The following MCHR2 variants were observed in gnomAD, a reference collection of about 807,000 sequenced individuals.
MCHR2 encodes the protein melanin-concentrating hormone receptor 2.
Under a neutral mutation model 24.8 loss-of-function variants are expected in MCHR2, and 15 were observed. That is an observed-to-expected ratio of 0.60 (90% CI 0.40 to 0.93). The LOEUF is 0.93. Ranked by LOEUF, MCHR2 falls within the 40% of genes least tolerant of loss-of-function variation. The probability of loss-of-function intolerance (pLI) is 0.00; values close to 1 mark genes in which losing one functional copy is unlikely to be tolerated. For synonymous variants in MCHR2, 151 were observed against 147.6 expected (o/e 1.02, Z -0.17); for missense variants, 386 against 408.7 (o/e 0.94, Z 0.48).
chr6:99,927,543 G>A (rs1774395756), intron 5 of MCHR2, among the ~76,000 whole-genome samples: 1 of 152,078 alleles, frequency 6.6e-6, no homozygotes, highest in Non-Finnish European at 1.5e-5. Context: ...CCTTGAAGAG[G>A]TCCTTCGCGT....
chr6:99,938,171 T>C (rs1028370023), intron 4 of MCHR2, among the ~76,000 whole-genome samples: 7 of 151,992 alleles, frequency 4.6e-5, no homozygotes, highest in Non-Finnish European at 1.5e-5. Context: ...GTTGATCGTC[T>C]GTAGTTTTTT....
chr6:99,925,680 C>G (rs550649684), intron 5 of MCHR2, among the ~76,000 whole-genome samples: 1 of 151,944 alleles, frequency 6.6e-6, no homozygotes, highest in South Asian at 2.1e-4. Context: ...AAAAGAAAAC[C>G]AGTAAAAACT....
At chr6:99,956,824 G>T (rs1431593937) in intron 1 of MCHR2, among the ~76,000 whole-genome samples, 4 of 152,052 alleles carry the variant, frequency 2.6e-5, no homozygotes, top group African/African-American at 9.7e-5. Flanking sequence ...AAAATTATTT[G>T]CTTGATCAAA....
intron 3 of MCHR2, among the ~76,000 whole-genome samples, chr6:99,945,545 T>A (rs546483020): frequency 5.3e-5 from 8 of 152,302 alleles, no homozygotes; most frequent in Admixed American, 2.0e-4. Context: ...ATGCATGATC[T>A]ATTAAACTGG....
chr6:99,986,279 T>TA (rs947014146), intron 1 of MCHR2, among the ~76,000 whole-genome samples: 1 of 151,988 alleles, frequency 6.6e-6, no homozygotes, highest in African/African-American at 2.4e-5. Context: ...CTCAAGGAAG[T>TA]AAAAAAAGAA....
intron 2 of MCHR2, among the ~76,000 whole-genome samples, chr6:99,953,797 A>G (rs558314006): frequency 3.5e-4 from 54 of 152,282 alleles, no homozygotes; most frequent in African/African-American, 1.3e-3. Context: ...AAAATTTAAA[A>G]TGCTTGATAT....
intron 5 of MCHR2, among the ~76,000 whole-genome samples, chr6:99,921,704 T>C (rs1380750394): frequency 6.6e-6 from 1 of 152,206 alleles, no homozygotes; most frequent in Non-Finnish European, 1.5e-5. Context: ...TATCAAATGC[T>C]AGGCCTTATT....
rs1326908361 is a variant in MCHR2 at position 99,958,122 on chromosome 6, T to C, written c.-27-1948A>G. On this transcript the variant is annotated intron_variant, in intron 1 of 5. Coordinates refer to ENST00000281806, the MANE Select transcript of MCHR2 (RefSeq NM_001040179.2). ...TACAGTAATCTACACAGTGTGATAT[T>C]TGAATAGGGATAGACAAATAGGTCA... 2.0e-5 allele frequency among the ~76,000 whole-genome samples: 3 copies of C among 152,178 alleles called. No homozygotes were observed. The East Asian group carries it at 5.8e-4, about 29-fold the overall frequency.
chr6:99,937,921 G>A (rs1774696079), intron 4 of MCHR2, among the ~76,000 whole-genome samples: 1 of 151,680 alleles, frequency 6.6e-6, no homozygotes. Flanking sequence ...TTTCCTCATG[G>A]TTCAATCTTG....
chr6:99,970,819 T>A (rs528950870), intron 1 of MCHR2, among the ~76,000 whole-genome samples: 3 of 152,110 alleles, frequency 2.0e-5, no homozygotes, highest in South Asian at 2.1e-4. Context: ...TAAATAGGGA[T>A]TCCTTTCCCC....
In MCHR2 at chr6:99,918,918, G is replaced by C. The variant is rs998602975; in HGVS notation, c.*2022C>G. Among the ~76,000 whole-genome samples, 1 of 152,116 alleles carries C rather than the reference G, an allele frequency of 6.6e-6. No individual in the cohort carries two copies. Among genetic ancestry groups the C allele is most frequent in the African/African-American group, 2.4e-5 (1 of 41,422 alleles). On this transcript the variant is annotated 3_prime_UTR_variant, in exon 6 of 6. Coordinates refer to ENST00000281806, the MANE Select transcript of MCHR2 (RefSeq NM_001040179.2). ...CTATTGGGACTGCTACTAGAAAAAG[G>C]TCTGTGGTTTAAAGCTAAGTCTTTA...
At chr6:99,970,985 T>C (rs1025752253) in intron 1 of MCHR2, among the ~76,000 whole-genome samples, 6 of 152,234 alleles carry the variant, frequency 3.9e-5, no homozygotes, top group Non-Finnish European at 8.8e-5. Flanking sequence ...TAGTTTGAAG[T>C]CAGGTAGCAT....
intron 1 of MCHR2, among the ~76,000 whole-genome samples, chr6:99,963,653 T>C (rs1775240368): frequency 3.3e-5 from 5 of 152,128 alleles, no homozygotes; most frequent in Admixed American, 3.3e-4. Context: ...GGATATCATG[T>C]TATATGTTTT....
chr6:99,946,304 A>G (rs901863615), intron 3 of MCHR2, among the ~76,000 whole-genome samples: 5 of 152,208 alleles, frequency 3.3e-5, no homozygotes, highest in African/African-American at 4.8e-5. Flanking sequence ...CAAGTTGAGA[A>G]GCACATTCTA....
intron 1 of MCHR2, among the ~76,000 whole-genome samples, chr6:99,969,922 T>C (rs1775369418): frequency 6.7e-6 from 1 of 148,924 alleles, no homozygotes; most frequent in Non-Finnish European, 1.5e-5. Flanking sequence ...TAGTATTCCA[T>C]GGTGTATATG....
intron 2 of MCHR2, among the ~76,000 whole-genome samples, chr6:99,953,870 T>C (rs189752216): frequency 2.0e-5 from 3 of 152,282 alleles, no homozygotes; most frequent in Admixed American, 6.5e-5. Flanking sequence ...AGAATCCCTA[T>C]GTACTAAATA....
intron 5 of MCHR2, among the ~76,000 whole-genome samples, chr6:99,928,126 T>C (rs1336551537): frequency 6.6e-6 from 1 of 152,196 alleles, no homozygotes; most frequent in Non-Finnish European, 1.5e-5. Context: ...TCTGTTTATA[T>C]TGCGGATTAC....
At chr6:99,969,951 C>A (rs1346562719) in intron 1 of MCHR2, among the ~76,000 whole-genome samples, 2 of 128,546 alleles carry the variant, frequency 1.6e-5, no homozygotes, top group Admixed American at 8.4e-5. Flanking sequence ...TTTCTTAATC[C>A]AGTCTATCAT....
intron 1 of MCHR2, among the ~76,000 whole-genome samples, chr6:99,978,995 G>T (rs781561852): frequency 2.0e-5 from 3 of 152,166 alleles, no homozygotes; most frequent in Admixed American, 2.0e-4. Context: ...GGCTGTGCAG[G>T]TTGCGTACTG....
Sources: gnomAD v4.1 joint callset for allele counts (sites outside exome capture counted in the v4.1 genomes callset) on GRCh38, gnomAD v4.1.1 for gene constraint, MANE v1.5 for transcripts, NCBI Gene and HGNC (gene_info 2026-07-23, HGNC 2026-07-21) for gene names.